The following CNTNAP2 variants were observed in gnomAD, a reference collection of about 807,000 sequenced individuals.
The protein encoded by CNTNAP2 is contactin-associated protein-like 2.
A neutral mutation model predicts 155.2 loss-of-function variants in CNTNAP2; 98 were observed. The observed-to-expected ratio is 0.63, with a 90% CI of 0.54 to 0.75. The LOEUF is 0.75. Among genes scored for constraint, CNTNAP2 ranks in the 30% least tolerant of loss-of-function variants. The pLI is 0.00. For synonymous variants in CNTNAP2, 651 were observed against 631.2 expected, an observed-to-expected ratio of 1.03 and a Z score of -0.47; for missense variants, 1,727 against 1,688.1, an observed-to-expected ratio of 1.02 and a Z score of -0.40.
chr7:147,586,224 T>G (rs1800617209), intron 12 of CNTNAP2, among the ~76,000 whole-genome samples: 1 of 152,104 alleles, frequency 6.6e-6, no homozygotes, highest in African/African-American at 2.4e-5. Context: ...AGATGAAGCC[T>G]CCAGGTAACA....
chr7:146,936,950 T>G (rs548398719), intron 3 of CNTNAP2, among the ~76,000 whole-genome samples: 73 of 152,326 alleles, frequency 4.8e-4, no homozygotes, highest in African/African-American at 1.6e-3. Context: ...TCCTTTAAAT[T>G]TAAAATAAAA....
chr7:147,210,657 T>C (rs1803127711), intron 8 of CNTNAP2, among the ~76,000 whole-genome samples: 1 of 152,004 alleles, frequency 6.6e-6, no homozygotes, highest in Admixed American at 6.6e-5. Context: ...CTCTTGTTTT[T>C]CTCCTTTCTC....
intron 13 of CNTNAP2, among the ~76,000 whole-genome samples, chr7:147,705,798 T>C (rs190361841): frequency 6.6e-6 from 1 of 152,318 alleles, no homozygotes; most frequent in African/African-American, 2.4e-5. Context: ...TTTTTCATCA[T>C]ATAATGATCT....
At chr7:146,875,138 C>G (rs1329032610) in intron 3 of CNTNAP2, among the ~76,000 whole-genome samples, 1 of 152,080 alleles carries the variant, frequency 6.6e-6, no homozygotes, top group Non-Finnish European at 1.5e-5. Context: ...AAGACAGGCT[C>G]TAGTGTAAAA....
chr7:147,593,203 C>T (rs1281712560), intron 12 of CNTNAP2, among the ~76,000 whole-genome samples: 2 of 143,796 alleles, frequency 1.4e-5, no homozygotes, highest in Non-Finnish European at 3.1e-5. Flanking sequence ...TTTCTTAAGA[C>T]CTTCCCTTAT....
chr7:147,261,806 G>A (rs549000084), intron 8 of CNTNAP2, among the ~76,000 whole-genome samples: 216 of 152,300 alleles, frequency 1.4e-3, no homozygotes, highest in Admixed American at 2.2e-3. Flanking sequence ...TTGTTACTTA[G>A]AATTTTGTAA....
rs117888979 is a variant in CNTNAP2 at position 147,307,794 on chromosome 7, A to T, written c.1498+7504A>T. Among the ~76,000 whole-genome samples the T allele has an allele frequency of 1.1e-3, 175 of 152,360 alleles. 2 individuals are homozygous for T. In the East Asian group the frequency reaches 0.023, roughly 20 times the overall value. On this transcript the variant is annotated intron_variant, in intron 9 of 23. Coordinates refer to ENST00000361727, the MANE Select transcript of CNTNAP2 (RefSeq NM_014141.6). ...TGTTTTCATTCATACTGTCTGTTATAGAACTAAGGCCTACATTCATTCATT... is the reference window on the plus strand; with the variant it reads ...TGTTTTCATTCATACTGTCTGTTATTGAACTAAGGCCTACATTCATTCATT...
At chr7:146,909,211 T>A (rs887246753) in intron 3 of CNTNAP2, among the ~76,000 whole-genome samples, 15 of 150,064 alleles carry the variant, frequency 1.0e-4, no homozygotes, top group African/African-American at 3.7e-4. Context: ...CACAGCCGAA[T>A]TCTACCAGAG....
chr7:148,294,453 A>G (rs1473013250), intron 21 of CNTNAP2, among the ~76,000 whole-genome samples: 2 of 152,240 alleles, frequency 1.3e-5, no homozygotes, highest in African/African-American at 4.8e-5. Context: ...AGAGCTCTAT[A>G]ACAATTTTGA....
intron 13 of CNTNAP2, among the ~76,000 whole-genome samples, chr7:147,658,032 G>A (rs1441785256): frequency 2.5e-5 from 3 of 118,390 alleles, no homozygotes; most frequent in African/African-American, 5.6e-5. Context: ...CGAGGCGGGC[G>A]GATCACGAGG....
At chr7:147,694,664 C>T (rs1357144013) in intron 13 of CNTNAP2, among the ~76,000 whole-genome samples, 1 of 152,004 alleles carries the variant, frequency 6.6e-6, no homozygotes, top group Non-Finnish European at 1.5e-5. Context: ...TCCACAGAAT[C>T]TGTAGTGATG....
intron 9 of CNTNAP2, among the ~76,000 whole-genome samples, chr7:147,383,913 A>G (rs1054884720): frequency 1.3e-5 from 2 of 152,168 alleles, no homozygotes; most frequent in Admixed American, 6.5e-5. Flanking sequence ...TAAATAAACC[A>G]ATGCAGATAA....
chr7:147,813,343 G>C (rs968388974), intron 13 of CNTNAP2, among the ~76,000 whole-genome samples: 2 of 152,166 alleles, frequency 1.3e-5, no homozygotes, highest in Non-Finnish European at 2.9e-5. Context: ...TTTATGCCTA[G>C]AATCTCAGAG....
At chr7:148,313,666 T>G (rs1475919418) in intron 21 of CNTNAP2, among the ~76,000 whole-genome samples, 1 of 152,226 alleles carries the variant, frequency 6.6e-6, no homozygotes. Flanking sequence ...TGGCTGCCTC[T>G]ACTCTATTAT....
chr7:146,837,261 T>A (rs889173790), intron 2 of CNTNAP2, among the ~76,000 whole-genome samples: 1 of 152,106 alleles, frequency 6.6e-6, no homozygotes, highest in Non-Finnish European at 1.5e-5. Context: ...AGCCTTGTTT[T>A]TCCTCTCTGA....
At chr7:146,369,050 T>TATATATATATATATATATAC (rs1286983889) in intron 1 of CNTNAP2, among the ~76,000 whole-genome samples, 2 of 139,188 alleles carry the variant, frequency 1.4e-5, no homozygotes, top group African/African-American at 2.7e-5. Flanking sequence ...TATATATATA[T>TATATATATATATATATATAC]ACATATATAT....
At chr7:147,753,706 A>C (rs1036286849) in intron 13 of CNTNAP2, among the ~76,000 whole-genome samples, 2 of 152,180 alleles carry the variant, frequency 1.3e-5, no homozygotes, top group African/African-American at 4.8e-5. Flanking sequence ...AGGACTTTGC[A>C]AAAGAGATGA....
intron 1 of CNTNAP2, among the ~76,000 whole-genome samples, chr7:146,286,084 AG>A (rs1168936959): frequency 7.7e-6 from 1 of 129,264 alleles, no homozygotes; most frequent in African/African-American, 3.1e-5. Context: ...GTTGGTTTAT[AG>A]GGGGGACTCT....
chr7:146,516,964 G>A (rs1254173717), intron 1 of CNTNAP2, among the ~76,000 whole-genome samples: 3 of 151,818 alleles, frequency 2.0e-5, no homozygotes, highest in Non-Finnish European at 2.9e-5. Flanking sequence ...CCTTATCCAC[G>A]GTTTCATTCT....
Sources: allele counts gnomAD v4.1 joint callset (sites outside exome capture counted in the v4.1 genomes callset), GRCh38; gene constraint gnomAD v4.1.1; transcripts MANE v1.5; gene names NCBI Gene and HGNC (gene_info 2026-07-23, HGNC 2026-07-21).